Variants in CAPN2 observed in about 807,000 individuals in gnomAD.
CAPN2 encodes calpain 2, also known as calpain-2 catalytic subunit.
CAPN2 carries 92 observed loss-of-function variants against 102.3 expected under a neutral mutation model. The ratio of observed to expected loss-of-function variants is 0.90; its 90% CI spans 0.76 to 1.07. The LOEUF (loss-of-function observed/expected upper bound fraction) is 1.07. CAPN2 is among the 50% of genes least tolerant of loss of function. CAPN2 has a pLI of 0.00. For missense variants in CAPN2, 800 were observed against 909.4 expected, an observed-to-expected ratio of 0.88 and a Z score of 1.55; for synonymous variants, 340 against 355.4, an observed-to-expected ratio of 0.96 and a Z score of 0.49.
intron 1 of CAPN2, among the ~76,000 whole-genome samples, chr1:223,702,485 G>C (rs1322214770): frequency 1.3e-5 from 2 of 151,942 alleles, no homozygotes; most frequent in Non-Finnish European, 2.9e-5. Context: ...AAGAAACAAA[G>C]GAAGGAAAAT....
Position 223,762,322 on chromosome 1 carries a change from G to T in CAPN2, c.1632+71G>T. 2.4e-6 allele frequency: 3 copies of T among 1,252,422 alleles called. No homozygotes were observed. In the South Asian group the frequency reaches 3.7e-5, roughly 15 times the overall value. 77.6% of individuals were successfully genotyped at this position (1,252,422 alleles called of 1,614,324 possible). On this transcript the variant is annotated intron_variant, in intron 14 of 20. Transcript: ENST00000295006. ...GGAAGAGACAGTGTGTGTCCCCAAG[G>T]GGACTTTAGTTTAAAGGGGAGAGGA...
rs1346016644 is a variant in CAPN2 at position 223,755,693 on chromosome 1, A to G, written c.1305+44A>G. ...CCTGCCCTCCCTTCCCCATGTGTTC[A>G]TCTCAGCCCCTGCATGGAAAGCTGA... is the stretch of plus-strand genomic sequence containing the variant. On this transcript the variant is annotated intron_variant, in intron 10 of 20. Coordinates refer to ENST00000295006, the MANE Select transcript of CAPN2 (RefSeq NM_001748.5). The surrounding 1 kb of genome is among the most constrained non-coding windows in gnomAD (Gnocchi z 4.1). 1.3e-6 allele frequency: 2 copies of G among 1,498,646 alleles called. No homozygotes were observed. Among genetic ancestry groups the G allele is most frequent in the African/African-American group, 1.4e-5 (1 of 70,748 alleles). The allele number at this position is 1,498,646 out of a possible 1,614,324, so 92.8% of individuals were successfully genotyped here.
At position 223,746,085 on chromosome 1, in the gene CAPN2, T is replaced by C. The variant is rs1439126525; in HGVS notation, c.560+646T>C. 9.2e-4 allele frequency among the ~76,000 whole-genome samples: 140 copies of C among 152,196 alleles called. 1 individual carries two copies. Among genetic ancestry groups the C allele is most frequent in the Non-Finnish European group, 1.2e-4 (8 of 68,042 alleles). On this transcript the variant is annotated intron_variant, in intron 4 of 20. Coordinates refer to ENST00000295006, the MANE Select transcript of CAPN2 (RefSeq NM_001748.5). ...CTCTCCACAATGGCCCCATGTTGGC[T>C]GTGCCGCCCGGCTCCTTCCATTAAA...
upstream of CAPN2, among the ~76,000 whole-genome samples, chr1:223,709,042 C>A (rs1659674539): frequency 6.6e-6 from 1 of 151,994 alleles, no homozygotes; most frequent in African/African-American, 2.4e-5. Context: ...GGAAGCTGGA[C>A]AAGTGAGGGG....
chr1:223,768,579 G>T (rs1661395182), intron 16 of CAPN2, among the ~76,000 whole-genome samples: 1 of 151,962 alleles, frequency 6.6e-6, no homozygotes, highest in African/African-American at 2.4e-5. Flanking sequence ...ATGCTGTTTT[G>T]GTTACTGTAG....
At chr1:223,744,862 T>C (rs1303489441) in intron 3 of CAPN2, among the ~76,000 whole-genome samples, 1 of 150,062 alleles carries the variant, frequency 6.7e-6, no homozygotes, top group Non-Finnish European at 1.5e-5. Context: ...GGCAACATGC[T>C]GAAACTCCGT....
At chr1:223,764,047 C>G in intron 14 of CAPN2, 103 bp from the exon 15 acceptor site, 1 of 870,330 alleles carries the variant, frequency 1.1e-6, no homozygotes, top group Non-Finnish European at 2.0e-6. Flanking sequence ...AATGCACATT[C>G]ATAGGCCCCA....
rs1310152205 is a variant in CAPN2 at position 223,731,831 on chromosome 1, T to C, written c.308-12269T>C. ...AGTCTGGGCTGCCCCGTAGCAGCTC[T>C]GTGTTCTGCCTGCTCTTCCTCCAAG... On this transcript the variant is annotated intron_variant, in intron 2 of 20. Coordinates refer to ENST00000295006, the MANE Select transcript of CAPN2 (RefSeq NM_001748.5). This position sits in a 1 kb window ranked among gnomAD's most constrained non-coding sequence, Gnocchi z 4.2. Among the ~76,000 whole-genome samples the C allele has an allele frequency of 3.3e-5, 5 of 152,302 alleles. No homozygotes were observed.
chr1:223,714,330 TACTC>T (rs1285848658), intron 1 of CAPN2, among the ~76,000 whole-genome samples: 1 of 152,088 alleles, frequency 6.6e-6, no homozygotes, highest in Non-Finnish European at 1.5e-5. Context: ...TTCATTCATT[TACTC>T]ACTCATTTGA....
At chr1:223,716,296 G>A (rs1447121730) in intron 1 of CAPN2, among the ~76,000 whole-genome samples, 1 of 152,202 alleles carries the variant, frequency 6.6e-6, no homozygotes, top group Non-Finnish European at 1.5e-5. Context: ...CCCTGCTGGA[G>A]TAAGTGCCTG....
At chr1:223,744,600 C>A (rs1373219366) in intron 3 of CAPN2, among the ~76,000 whole-genome samples, 7 of 152,198 alleles carry the variant, frequency 4.6e-5, no homozygotes, top group African/African-American at 1.7e-4. Flanking sequence ...GTAGCTCATG[C>A]CCGTAATCTC....
chr1:223,723,848 C>A (rs994957461), intron 2 of CAPN2, among the ~76,000 whole-genome samples: 9 of 104,006 alleles, frequency 8.7e-5, no homozygotes, highest in African/African-American at 4.2e-4. Flanking sequence ...AGCAGTGGGA[C>A]CCCCTTCAAG....
chr1:223,753,382 T>TC (rs929211102), intron 9 of CAPN2, among the ~76,000 whole-genome samples: 48 of 152,338 alleles, frequency 3.2e-4, no homozygotes, highest in African/African-American at 1.1e-3. Context: ...CAGGGAGCCC[T>TC]CCACATATCA....
At chr1:223,764,341 T>G in intron 15 of CAPN2, 134 bp downstream of exon 15, 1 of 728,140 alleles carries the variant, frequency 1.4e-6, no homozygotes, top group Non-Finnish European at 2.5e-6. Context: ...AAGAAGTGGA[T>G]GAAGGATTTG....
Position 223,745,331 on chromosome 1 carries a change from AGGT to A in CAPN2, c.461_463del (p.Val154del), listed in dbSNP as rs778620097. Reference sequence around the variant, plus strand: ...TTCTGGCAATACGGCGAGTGGGTGGAGGTGGTGGTGGATGACAGGCTGCCCACC... The same window carrying A: ...TTCTGGCAATACGGCGAGTGGGTGGAGGTGGTGGATGACAGGCTGCCCACC... On this transcript the variant is annotated inframe_deletion, in exon 4 of 21. Transcript: ENST00000295006. The A allele has an allele frequency of 1.4e-5, 23 of 1,614,090 alleles. No individual in the cohort carries two copies. The highest frequency in any genetic ancestry group is 3.3e-4 in the Middle Eastern group (2 of 6,062).
At chr1:223,741,279 G>A (rs1349319733) in intron 2 of CAPN2, among the ~76,000 whole-genome samples, 1 of 151,454 alleles carries the variant, frequency 6.6e-6, no homozygotes, top group African/African-American at 2.4e-5. Context: ...AAGAGTGAAG[G>A]AACCAGAAGC....
At position 223,742,892 on chromosome 1, in the gene CAPN2, C is replaced by T. The variant is rs374313967; in HGVS notation, c.308-1208C>T. On this transcript the variant is annotated intron_variant, in intron 2 of 20. Coordinates refer to ENST00000295006, the MANE Select transcript of CAPN2 (RefSeq NM_001748.5). ...AACAGTGAATTAAACTCCTTTGAGG[C>T]TACTTCCCATTATTGTCATGGGAAA... 9.2e-5 allele frequency among the ~76,000 whole-genome samples: 14 copies of T among 152,318 alleles called. No individual in the cohort carries two copies. In the South Asian group the frequency reaches 2.5e-3, roughly 27 times the overall value.
In CAPN2 at chr1:223,722,281, C is replaced by CTTT. The variant is rs34894876; in HGVS notation, c.307+4472_307+4474dup. 9.5e-3 allele frequency among the ~76,000 whole-genome samples: 805 copies of CTTT among 84,728 alleles called. 2 individuals carry two copies. Among genetic ancestry groups the CTTT allele is most frequent in the East Asian group, 0.011 (26 of 2,330 alleles). The allele number at this position is 84,728 out of a possible 152,430, so 55.6% of individuals were successfully genotyped here. The stretch of plus-strand genomic sequence containing the variant: ...TTCCTTTCTTTCTTTTTCTTTCTTT[C>CTTT]TTTTTTTTTTTTTTTTTTTTTTTTG... On this transcript the variant is annotated intron_variant, in intron 2 of 20. Coordinates refer to ENST00000295006, the MANE Select transcript of CAPN2 (RefSeq NM_001748.5).
In CAPN2 at chr1:223,769,880, A is replaced by G. The variant is rs751868755; in HGVS notation, c.1795A>G (p.Ile599Val). 1.9e-6 allele frequency: 3 copies of G among 1,608,146 alleles called. No individual in the cohort carries two copies. The highest frequency in any genetic ancestry group is 1.7e-6 in the Non-Finnish European group (2 of 1,177,106). The change falls in exon 17 of 21, where the codon ATT (isoleucine) becomes GTT (valine). Residue 599 changes from isoleucine to valine, a missense_variant. By Grantham distance (29) the Ile-to-Val change is conservative. Coordinates refer to ENST00000295006, the MANE Select transcript of CAPN2 (RefSeq NM_001748.5). ...SGKLGLKEFY[I>V]LWTKIQKYQK... ...CAAGCTGGGGCTGAAGGAGTTCTAC[A>G]TTCTCTGGACGAAGATTCAAAAATA...
Sources: gnomAD v4.1 joint callset for allele counts (sites outside exome capture counted in the v4.1 genomes callset) on GRCh38, gnomAD v4.1.1 for gene constraint, Gnocchi (gnomAD v3.1) non-coding constraint, MANE v1.5 for transcripts, NCBI Gene and HGNC (gene_info 2026-07-23, HGNC 2026-07-21) for gene names.